DUSP16: variants seen among roughly 807,000 people sequenced by gnomAD.
DUSP16 encodes the protein dual specificity phosphatase 16.
Under a neutral mutation model 58.3 loss-of-function variants are expected in DUSP16, and 21 were observed. That is an observed-to-expected ratio of 0.36 (90% CI 0.26 to 0.52). The LOEUF (loss-of-function observed/expected upper bound fraction) is 0.52, where lower values mean the gene tolerates loss of function less well. Among genes scored for constraint, DUSP16 ranks in the 20% least tolerant of loss-of-function variants. The pLI is 0.94. For synonymous variants in DUSP16, 320 were observed against 323.8 expected, an observed-to-expected ratio of 0.99 and a Z score of 0.12; for missense variants, 726 against 819.0, an observed-to-expected ratio of 0.89 and a Z score of 1.39.
At chr12:12,505,403 G>T (rs1040602420) in intron 3 of DUSP16, among the ~76,000 whole-genome samples, 56 of 152,244 alleles carry the variant, frequency 3.7e-4, no homozygotes, top group African/African-American at 1.3e-3. Flanking sequence ...GAAGGAAGAA[G>T]ATCCGACAAG....
chr12:12,503,931 C>G (rs1202820297), intron 3 of DUSP16, among the ~76,000 whole-genome samples: 4 of 152,190 alleles, frequency 2.6e-5, no homozygotes, highest in Non-Finnish European at 5.9e-5. Flanking sequence ...TGGAGTCAAT[C>G]AGAACTCCTG....
intron 1 of DUSP16, among the ~76,000 whole-genome samples, chr12:12,529,122 G>A (rs7138733): frequency 0.11 from 16,927 of 152,156 alleles, 1,714 homozygotes; most frequent in East Asian, 0.38. Context: ...TGTTTTTGTT[G>A]TTTTTTGAGA....
At chr12:12,490,851 A>C (rs183003366) in intron 4 of DUSP16, among the ~76,000 whole-genome samples, 2 of 152,348 alleles carry the variant, frequency 1.3e-5, no homozygotes, top group Admixed American at 1.3e-4. Context: ...TTTCCAAAAC[A>C]CCTGACTTAG....
intron 4 of DUSP16, among the ~76,000 whole-genome samples, chr12:12,490,865 A>C (rs1416386829): frequency 2.0e-5 from 3 of 152,236 alleles, no homozygotes; most frequent in Admixed American, 2.0e-4. Context: ...GACTTAGGTC[A>C]CAGAAAAGCA....
chr12:12,493,869 C>T (rs1381479187), intron 4 of DUSP16, among the ~76,000 whole-genome samples: 3 of 152,202 alleles, frequency 2.0e-5, no homozygotes, highest in Non-Finnish European at 2.9e-5. Flanking sequence ...TCATACTGTA[C>T]TATACTATGT....
At chr12:12,546,018 A>G (rs991054814) in intron 1 of DUSP16, among the ~76,000 whole-genome samples, 3 of 152,218 alleles carry the variant, frequency 2.0e-5, no homozygotes, top group Non-Finnish European at 4.4e-5. Flanking sequence ...TATTGATGTA[A>G]TAACAGTAAC....
chr12:12,535,753 C>G (rs567863153), intron 1 of DUSP16, among the ~76,000 whole-genome samples: 2 of 152,240 alleles, frequency 1.3e-5, no homozygotes, highest in East Asian at 1.9e-4. Context: ...AAGAGAAAGG[C>G]TTCCTGAAAA....
intron 1 of DUSP16, among the ~76,000 whole-genome samples, chr12:12,544,162 C>G (rs1021985797): frequency 6.6e-6 from 1 of 152,106 alleles, no homozygotes; most frequent in Non-Finnish European, 1.5e-5. Context: ...CTACTAATCT[C>G]TCTCCCCAAA....
chr12:12,504,272 C>T (rs908506557), intron 3 of DUSP16, among the ~76,000 whole-genome samples: 1 of 151,918 alleles, frequency 6.6e-6, no homozygotes, highest in African/African-American at 2.4e-5. Flanking sequence ...TGGTGTTTCT[C>T]TTTTTTTTCT....
chr12:12,515,272 A>T (rs904644541), intron 3 of DUSP16, among the ~76,000 whole-genome samples: 3 of 151,894 alleles, frequency 2.0e-5, no homozygotes, highest in African/African-American at 7.3e-5. Context: ...ATCCTAGATT[A>T]TAAAATCATT....
intron 1 of DUSP16, among the ~76,000 whole-genome samples, chr12:12,540,180 GC>G (rs1944530574): frequency 6.6e-6 from 1 of 151,688 alleles, no homozygotes; most frequent in African/African-American, 2.4e-5. Flanking sequence ...GCTGACAGGG[GC>G]CCGTAGTCCC....
At chr12:12,541,252 C>A (rs1410640332) in intron 1 of DUSP16, among the ~76,000 whole-genome samples, 3 of 152,134 alleles carry the variant, frequency 2.0e-5, no homozygotes, top group Non-Finnish European at 4.4e-5. Context: ...AGCCACCGCA[C>A]CTGGCCACTT....
At chr12:12,491,138 T>A (rs1355963272) in intron 4 of DUSP16, 1 of 151,156 alleles carries the variant, frequency 6.6e-6, no homozygotes, top group East Asian at 2.0e-4. Flanking sequence ...GTAACTGTTG[T>A]TAGTTTGCTC....
intron 5 of DUSP16, among the ~76,000 whole-genome samples, chr12:12,481,117 G>GC (rs1858821868): frequency 6.6e-6 from 1 of 151,214 alleles, no homozygotes; most frequent in African/African-American, 2.4e-5. Context: ...ATCAGGTTTA[G>GC]CAGGTCACTT....
rs987008300 is a variant in DUSP16, at chr12:12,551,142, A to G, written c.-366+10975T>C. 5.3e-5 allele frequency among the ~76,000 whole-genome samples: 8 copies of G among 151,742 alleles called. 1 individual carries two copies. In the South Asian group the frequency reaches 1.7e-3, roughly 32 times the overall value. ...ACTAGCAGACAATTTACACTTATTC[A>G]GACTTTGGTATCTGGCAGACATTTT... On this transcript the variant is annotated intron_variant, in intron 1 of 6. Coordinates refer to ENST00000298573, the MANE Select transcript of DUSP16 (RefSeq NM_030640.3).
At chr12:12,535,528 T>G (rs973783679) in intron 1 of DUSP16, among the ~76,000 whole-genome samples, 30 of 152,258 alleles carry the variant, frequency 2.0e-4, no homozygotes, top group Non-Finnish European at 3.1e-4. Context: ...GCACATTACC[T>G]GCAGCAGCAA....
Position 12,474,279 on chromosome 12 carries a change from A to G in DUSP16, c.*2554T>C, listed in dbSNP as rs551418879. 1 of 152,364 alleles carries G rather than the reference A, an allele frequency of 6.6e-6. No individual in the cohort carries two copies. The highest frequency in any genetic ancestry group is 2.1e-4 in the South Asian group (1 of 4,828). 9.4% of individuals were successfully genotyped at this position (152,364 alleles called of 1,614,324 possible). ...TTAATCATTTCATACATTAACATAC[A>G]TGACACATCAAAATGAGAAATGCAC... On this transcript the variant is annotated 3_prime_UTR_variant, in exon 7 of 7. Transcript: ENST00000298573.
chr12:12,553,797 A>G (rs1405603179), intron 1 of DUSP16, among the ~76,000 whole-genome samples: 2 of 152,012 alleles, frequency 1.3e-5, no homozygotes, highest in African/African-American at 4.8e-5. Flanking sequence ...CACCTCCCCA[A>G]GTGCTGGGAT....
At position 12,475,738 on chromosome 12, in the gene DUSP16, T is replaced by C. The variant is rs1026894974; in HGVS notation, c.*1095A>G. ...TACCTTTCTTAATCTTCCCATAATT[T>C]ACCTCCCTAGGAAGTTTCCTATAAA... On this transcript the variant is annotated 3_prime_UTR_variant, in exon 7 of 7. Transcript: ENST00000298573. 1.3e-5 allele frequency: 2 copies of C among 152,202 alleles called. No individual in the cohort carries two copies. The highest frequency in any genetic ancestry group is 2.9e-5 in the Non-Finnish European group (2 of 68,016). 9.4% of individuals were successfully genotyped at this position (152,202 alleles called of 1,614,324 possible).
Sources: gnomAD v4.1 joint callset for allele counts (sites outside exome capture counted in the v4.1 genomes callset) on GRCh38, gnomAD v4.1.1 for gene constraint, MANE v1.5 for transcripts, NCBI Gene and HGNC (gene_info 2026-07-23, HGNC 2026-07-21) for gene names.